The following CNOT10 variants were observed in gnomAD, a reference collection of about 807,000 sequenced individuals.
The protein encoded by CNOT10 is CCR4-NOT transcription complex, subunit 10.
In CNOT10, 30 loss-of-function variants were observed where a neutral mutation model predicts 94.6. The ratio of observed to expected loss-of-function variants is 0.32; its 90% CI spans 0.24 to 0.43. The LOEUF (loss-of-function observed/expected upper bound fraction) is 0.43, where lower values mean the gene tolerates loss of function less well. CNOT10 is among the 20% of genes least tolerant of loss of function. The pLI is 1.00. For missense variants in CNOT10, 759 were observed against 877.2 expected, an observed-to-expected ratio of 0.87 and a Z score of 1.70; for synonymous variants, 289 against 301.6, an observed-to-expected ratio of 0.96 and a Z score of 0.43.
intron 3 of CNOT10, among the ~76,000 whole-genome samples, chr3:32,707,030 G>T (rs370198571): frequency 4.6e-5 from 7 of 152,200 alleles, no homozygotes; most frequent in African/African-American, 1.7e-4. Flanking sequence ...AACCAAGGCT[G>T]TTAAATCCAT....
chr3:32,731,849 C>T (rs1241348425), intron 10 of CNOT10, among the ~76,000 whole-genome samples: 4 of 151,980 alleles, frequency 2.6e-5, no homozygotes, highest in Admixed American at 6.6e-5. Context: ...GAGGCTGAGG[C>T]GGGTGGATCA....
intron 13 of CNOT10, among the ~76,000 whole-genome samples, chr3:32,741,919 A>G (rs1336195071): frequency 6.6e-6 from 1 of 151,914 alleles, no homozygotes; most frequent in Non-Finnish European, 1.5e-5. Context: ...TTATTTTTTC[A>G]TCACATACTT....
chr3:32,694,633 A>G (rs1006055971), intron 1 of CNOT10, among the ~76,000 whole-genome samples: 2 of 152,020 alleles, frequency 1.3e-5, no homozygotes, highest in South Asian at 4.1e-4. Context: ...TCTGTTGCCT[A>G]GGCTGGAGTG....
chr3:32,725,391 T>C (rs1575245742), intron 8 of CNOT10, 59 bp from the exon 9 acceptor site: 1 of 1,340,696 alleles, frequency 7.5e-7, no homozygotes, highest in Non-Finnish European at 1.1e-6. Context: ...CCAATTCTTG[T>C]CTGAGGGACA....
chr3:32,734,275 A>C (rs1699083079), intron 11 of CNOT10, among the ~76,000 whole-genome samples: 2 of 152,208 alleles, frequency 1.3e-5, no homozygotes, highest in South Asian at 4.1e-4. Flanking sequence ...ATTTTTCTCT[A>C]GTAAAGATTC....
At chr3:32,696,327 AG>A (rs377039427) in intron 1 of CNOT10, among the ~76,000 whole-genome samples, 5,501 of 150,928 alleles carry the variant, frequency 0.036, 167 homozygotes, top group Middle Eastern at 0.075. Context: ...AAAAAAAAAA[AG>A]AAGAAGAAGA....
chr3:32,726,001 A>G (rs1047161679), intron 9 of CNOT10, among the ~76,000 whole-genome samples: 4 of 151,952 alleles, frequency 2.6e-5, no homozygotes, highest in South Asian at 4.2e-4. Context: ...CTGGAGTGCA[A>G]TGGTGTGATT....
At chr3:32,710,259 T>C (rs559666385) in intron 4 of CNOT10, among the ~76,000 whole-genome samples, 40 of 151,624 alleles carry the variant, frequency 2.6e-4, no homozygotes, top group Admixed American at 5.9e-4. Flanking sequence ...GTATTCACAT[T>C]CATTTTTCTT....
chr3:32,705,103 T>C, intron 3 of CNOT10, 131 bp downstream of exon 3: 3 of 668,648 alleles, frequency 4.5e-6, no homozygotes, highest in Non-Finnish European at 7.1e-6. Flanking sequence ...GCATTAATTT[T>C]ATTTCCGTAA....
At chr3:32,710,072 G>A (rs751564130) in intron 4 of CNOT10, among the ~76,000 whole-genome samples, 1 of 148,672 alleles carries the variant, frequency 6.7e-6, no homozygotes, top group Non-Finnish European at 1.5e-5. Context: ...ACTTGAACCC[G>A]AGAGGCCGAG....
intron 10 of CNOT10, among the ~76,000 whole-genome samples, chr3:32,728,223 C>T (rs893773873): frequency 6.6e-6 from 1 of 151,910 alleles, no homozygotes; most frequent in Non-Finnish European, 1.5e-5. Flanking sequence ...CTTGAACTCC[C>T]GACCTTATGT....
intron 1 of CNOT10, among the ~76,000 whole-genome samples, chr3:32,697,167 C>T (rs1425248199): frequency 6.6e-6 from 1 of 152,060 alleles, no homozygotes; most frequent in Non-Finnish European, 1.5e-5. Flanking sequence ...CCAGGCTGGT[C>T]TGGAACTGCT....
chr3:32,686,457 CA>C (rs1270497722), intron 1 of CNOT10, among the ~76,000 whole-genome samples: 2 of 152,024 alleles, frequency 1.3e-5, no homozygotes, highest in Non-Finnish European at 2.9e-5. Flanking sequence ...ATTTTAGGTA[CA>C]GAGGAATAAA....
At chr3:32,736,719 G>A (rs1254170433) in intron 12 of CNOT10, among the ~76,000 whole-genome samples, 1 of 152,088 alleles carries the variant, frequency 6.6e-6, no homozygotes, top group African/African-American at 2.4e-5. Context: ...AAGCTGCAGT[G>A]AGCTATGATC....
At chr3:32,737,842 A>G (rs1472739055) in intron 13 of CNOT10, among the ~76,000 whole-genome samples, 3 of 151,674 alleles carry the variant, frequency 2.0e-5, no homozygotes, top group African/African-American at 7.3e-5. Context: ...TATCTTGTTG[A>G]TACTGTTAAT....
At chr3:32,704,165 A>G (rs959895821) in intron 2 of CNOT10, among the ~76,000 whole-genome samples, 1 of 152,208 alleles carries the variant, frequency 6.6e-6, no homozygotes, top group African/African-American at 2.4e-5. Flanking sequence ...GCCATTCCCA[A>G]GTTTTTGTAA....
intron 6 of CNOT10, among the ~76,000 whole-genome samples, chr3:32,716,541 C>T (rs938374624): frequency 2.6e-5 from 4 of 152,126 alleles, no homozygotes; most frequent in Admixed American, 2.6e-4. Flanking sequence ...AGAGAAATGG[C>T]ACGGGAATGT....
chr3:32,724,412 A>ATTT (rs756450071), intron 8 of CNOT10, among the ~76,000 whole-genome samples: 4 of 108,160 alleles, frequency 3.7e-5, no homozygotes, highest in East Asian at 5.1e-4. Flanking sequence ...CGCCCGGCTA[A>ATTT]TTTTTTTTTT....
At chr3:32,732,178 G>A (rs1464315283) in intron 10 of CNOT10, among the ~76,000 whole-genome samples, 4 of 151,996 alleles carry the variant, frequency 2.6e-5, no homozygotes, top group Non-Finnish European at 4.4e-5. Flanking sequence ...ATCACTTGAG[G>A]TCAGGAGTTT....
Sources: gnomAD v4.1 joint callset for allele counts (sites outside exome capture counted in the v4.1 genomes callset) on GRCh38, gnomAD v4.1.1 for gene constraint, MANE v1.5 for transcripts, NCBI Gene and HGNC (gene_info 2026-07-23, HGNC 2026-07-21) for gene names.